Variants in TMEM132C observed in about 807,000 individuals in gnomAD.
The protein encoded by TMEM132C is protein phosphatase 1, regulatory subunit 152.
TMEM132C carries 29 observed loss-of-function variants against 61.4 expected under a neutral mutation model. The observed-to-expected ratio is 0.47, with a 90% CI of 0.35 to 0.64. The LOEUF (loss-of-function observed/expected upper bound fraction) is 0.64, where lower values mean the gene tolerates loss of function less well. TMEM132C is among the 30% of genes least tolerant of loss of function. The pLI, the probability that TMEM132C is intolerant of heterozygous loss-of-function variation, is 0.00. For missense variants in TMEM132C, 1,408 were observed against 1,476.9 expected (o/e 0.95, Z 0.76); for synonymous variants, 656 against 633.1 (o/e 1.04, Z -0.54).
rs1872502951 is a variant in TMEM132C, at chr12:128,326,003, G to A, written c.85+58516G>A. 6.6e-6 allele frequency among the ~76,000 whole-genome samples: 1 copy of A among 152,018 alleles called. No individual in the cohort carries two copies. Among genetic ancestry groups the A allele is most frequent in the African/African-American group, 2.4e-5 (1 of 41,372 alleles). Reference sequence around the variant, plus strand: ...CACACGTGCGGAGGTTGTACTTGGTGGTATTCCTGGGTCCTGACGCCATAC... The same window carrying A: ...CACACGTGCGGAGGTTGTACTTGGTAGTATTCCTGGGTCCTGACGCCATAC... On this transcript the variant is annotated intron_variant, in intron 1 of 8. Coordinates refer to ENST00000435159, the MANE Select transcript of TMEM132C (RefSeq NM_001136103.3). This position sits in a 1 kb window ranked among gnomAD's most constrained non-coding sequence, Gnocchi z 5.6.
At chr12:128,277,696 A>G (rs1461362373) in intron 1 of TMEM132C, among the ~76,000 whole-genome samples, 2 of 152,164 alleles carry the variant, frequency 1.3e-5, no homozygotes, top group Middle Eastern at 3.2e-3. Context: ...TCATCAACCA[A>G]ATGAGCAAAA....
intron 1 of TMEM132C, among the ~76,000 whole-genome samples, chr12:128,380,177 G>A (rs1035765943): frequency 6.6e-6 from 1 of 152,260 alleles, no homozygotes; most frequent in African/African-American, 2.4e-5. Flanking sequence ...CAGAAAGGAA[G>A]CTTCAGAAAG....
chr12:128,491,024 G>C (rs911177646), intron 2 of TMEM132C, among the ~76,000 whole-genome samples: 1 of 152,126 alleles, frequency 6.6e-6, no homozygotes. Context: ...ACTCATTCAA[G>C]GTGTAGAGTG....
At chr12:128,510,164 G>C (rs367925415) in intron 2 of TMEM132C, among the ~76,000 whole-genome samples, 41 of 152,180 alleles carry the variant, frequency 2.7e-4, no homozygotes, top group Non-Finnish European at 2.9e-4. Context: ...ACCTGGGTTT[G>C]CTTTCTTCTT....
chr12:128,568,217 T>C (rs908179331), intron 3 of TMEM132C, among the ~76,000 whole-genome samples: 1 of 152,214 alleles, frequency 6.6e-6, no homozygotes, highest in African/African-American at 2.4e-5. Context: ...AGTTCTCTCT[T>C]ACTTACAGAC....
At chr12:128,452,613 A>G (rs115198303) in intron 2 of TMEM132C, among the ~76,000 whole-genome samples, 4,167 of 151,064 alleles carry the variant, frequency 0.028, 185 homozygotes, top group African/African-American at 0.094. Flanking sequence ...CTGAGGTAGG[A>G]GAATCGCTTG....
At chr12:128,379,667 C>T (rs1246600861) in intron 1 of TMEM132C, among the ~76,000 whole-genome samples, 7 of 152,188 alleles carry the variant, frequency 4.6e-5, no homozygotes, top group Non-Finnish European at 1.5e-5. Context: ...GAAAAGGACA[C>T]CTGTCATTGG....
intron 2 of TMEM132C, among the ~76,000 whole-genome samples, chr12:128,517,146 G>A (rs1428577727): frequency 2.6e-5 from 4 of 151,668 alleles, no homozygotes; most frequent in Admixed American, 6.6e-5. Flanking sequence ...CAGGAGAATC[G>A]CTTGAACCCA....
chr12:128,391,975 A>G (rs564747397), intron 1 of TMEM132C, among the ~76,000 whole-genome samples: 13 of 152,096 alleles, frequency 8.5e-5, no homozygotes, highest in African/African-American at 2.9e-4. Context: ...TAAAATACCT[A>G]CTATCCACTG....
intron 3 of TMEM132C, among the ~76,000 whole-genome samples, chr12:128,545,777 T>C (rs1364782401): frequency 1.3e-5 from 2 of 152,224 alleles, no homozygotes; most frequent in Non-Finnish European, 2.9e-5. Flanking sequence ...TTATAGATAA[T>C]GCAGCAATAA....
At chr12:128,532,610 C>T (rs1206056828) in intron 2 of TMEM132C, among the ~76,000 whole-genome samples, 2 of 128,012 alleles carry the variant, frequency 1.6e-5, no homozygotes, top group Non-Finnish European at 3.1e-5. Context: ...ATTTGCACTC[C>T]AGCCTGGGTG....
chr12:128,300,597 C>T (rs745943805), intron 1 of TMEM132C, among the ~76,000 whole-genome samples: 14 of 152,138 alleles, frequency 9.2e-5, no homozygotes, highest in South Asian at 2.1e-4. Flanking sequence ...CCGTATTTTC[C>T]ATAAGTGATT....
intron 2 of TMEM132C, among the ~76,000 whole-genome samples, chr12:128,516,640 G>A (rs1262385858): frequency 2.0e-5 from 3 of 152,130 alleles, no homozygotes; most frequent in Middle Eastern, 3.2e-3. Context: ...AGTCAGACAT[G>A]GTGGCTCACA....
At chr12:128,359,707 A>G (rs2135970617) in intron 1 of TMEM132C, among the ~76,000 whole-genome samples, 1 of 152,292 alleles carries the variant, frequency 6.6e-6, no homozygotes, top group East Asian at 1.9e-4. Context: ...ACAGCCTCAG[A>G]CACTGTGAGT....
rs1172283938 is a variant in TMEM132C at position 128,572,358 on chromosome 12, TTG to T, written c.1121+28258_1121+28259del. On this transcript the variant is annotated intron_variant, in intron 3 of 8. Coordinates refer to ENST00000435159, the MANE Select transcript of TMEM132C (RefSeq NM_001136103.3). ...GCCCAGACCTGGGTCACATGACTAC[TTG>T]TGGCCTCTGCTGATCTCTGATTAGT... Among the ~76,000 whole-genome samples, 5 of 151,962 alleles carry T rather than the reference TTG, an allele frequency of 3.3e-5. No individual in the cohort carries two copies. The South Asian group carries it at 6.2e-4, about 19-fold the overall frequency.
At chr12:128,560,883 GATAA>G (rs2136163438) in intron 3 of TMEM132C, among the ~76,000 whole-genome samples, 1 of 152,330 alleles carries the variant, frequency 6.6e-6, no homozygotes, top group South Asian at 2.1e-4. Flanking sequence ...TGAATGACTA[GATAA>G]ATGAATGATG....
chr12:128,641,057 C>T (rs1206482540), intron 4 of TMEM132C, among the ~76,000 whole-genome samples: 1 of 152,110 alleles, frequency 6.6e-6, no homozygotes, highest in Non-Finnish European at 1.5e-5. Flanking sequence ...CAGGAGGTTC[C>T]CAGAGGGAGG....
chr12:128,375,912 C>A (rs1200454265), intron 1 of TMEM132C, among the ~76,000 whole-genome samples: 3 of 152,188 alleles, frequency 2.0e-5, no homozygotes. Flanking sequence ...GTGTCAGTAG[C>A]AGGGCAGATT....
intron 1 of TMEM132C, among the ~76,000 whole-genome samples, chr12:128,275,236 G>T (rs1159693731): frequency 6.6e-6 from 1 of 152,156 alleles, no homozygotes; most frequent in East Asian, 1.9e-4. Flanking sequence ...GGAGGTGAGT[G>T]ATGGATAAGC....
Sources: allele counts gnomAD v4.1 joint callset (sites outside exome capture counted in the v4.1 genomes callset), GRCh38; gene constraint gnomAD v4.1.1; non-coding constraint Gnocchi (gnomAD v3.1); transcripts MANE v1.5; gene names NCBI Gene and HGNC (gene_info 2026-07-23, HGNC 2026-07-21).